The following ZNF568 variants were observed in gnomAD, a reference collection of about 807,000 sequenced individuals.
ZNF568 encodes zinc finger protein 568.
ZNF568 carries 11 observed loss-of-function variants against 18.1 expected under a neutral mutation model. The ratio of observed to expected loss-of-function variants is 0.61; its 90% CI spans 0.38 to 1.00. The LOEUF is 1.00. Ranked by LOEUF, ZNF568 falls within the 50% of genes least tolerant of loss-of-function variation. The pLI is 0.01. For missense variants in ZNF568, 639 were observed against 768.2 expected, an observed-to-expected ratio of 0.83 and a Z score of 1.99; for synonymous variants, 213 against 246.6, an observed-to-expected ratio of 0.86 and a Z score of 1.28.
chr19:36,976,037 C>T (rs1187836431), intron 7 of ZNF568, among the ~76,000 whole-genome samples: 1 of 152,070 alleles, frequency 6.6e-6, no homozygotes, highest in Non-Finnish European at 1.5e-5. Context: ...CACTTTATCT[C>T]CGGATAGTTT....
At chr19:36,965,794 T>A (rs1245866150) in intron 6 of ZNF568, among the ~76,000 whole-genome samples, 1 of 150,232 alleles carries the variant, frequency 6.7e-6, no homozygotes, top group Non-Finnish European at 1.5e-5. Context: ...CTCTGCCTCC[T>A]GGTTCAAGCG....
intron 4 of ZNF568, 37 bp downstream of exon 4, chr19:36,925,295 T>A: frequency 6.3e-7 from 1 of 1,594,508 alleles, no homozygotes; most frequent in Non-Finnish European, 8.6e-7. Flanking sequence ...CTGCATTATT[T>A]TGCAGTGCAG....
At position 36,991,175 on chromosome 19, in the gene ZNF568, G is replaced by C. The variant is rs1253455374; in HGVS notation, c.10-1G>C. The C allele has an allele frequency of 6.5e-7, 1 of 1,531,522 alleles. No homozygotes were observed. Among genetic ancestry groups the C allele is most frequent in the Non-Finnish European group, 8.7e-7 (1 of 1,145,242 alleles). 94.9% of individuals were successfully genotyped at this position (1,531,522 alleles called of 1,614,324 possible). Reference sequence around the variant, plus strand: ...AATGGTGTATTTATTTTTGGTTTCAGGGCTTGAAGTTCAAAGATGTGGTCA... The same window carrying C: ...AATGGTGTATTTATTTTTGGTTTCACGGCTTGAAGTTCAAAGATGTGGTCA... On this transcript the variant is annotated splice_acceptor_variant, in intron 2 of 4. Transcript: ENST00000433993. LOFTEE classifies it high-confidence loss of function.
intron 6 of ZNF568, among the ~76,000 whole-genome samples, chr19:36,971,405 TA>T (rs2074234891): frequency 6.6e-6 from 1 of 152,110 alleles, no homozygotes; most frequent in South Asian, 2.1e-4. Flanking sequence ...AAACTAGAAA[TA>T]CTTAAGAATT....
At chr19:36,918,982 AATG>A (rs1363272997) in intron 2 of ZNF568, among the ~76,000 whole-genome samples, 2 of 152,196 alleles carry the variant, frequency 1.3e-5, no homozygotes, top group African/African-American at 2.4e-5. Flanking sequence ...TTTAAGGCCG[AATG>A]ATAAGTATGT....
At chr19:36,953,074 G>T (rs1312415671), downstream of ZNF568, among the ~76,000 whole-genome samples, 2 of 152,166 alleles carry the variant, frequency 1.3e-5, no homozygotes, top group Admixed American at 6.5e-5. Context: ...AATGAAATGT[G>T]TTTTTATTTA....
At position 36,916,768 on chromosome 19, in the gene ZNF568, T is replaced by G. The variant is rs1321126670; in HGVS notation, c.-256+177T>G. ...TGATTATGATTAAGGCTGTAGCGAG[T>G]GTGAACGTGGCGAAGTGTGCGTGAT... On this transcript the variant is annotated intron_variant, in intron 1 of 6. Transcript: ENST00000333987. This position sits in a 1 kb window ranked among gnomAD's most constrained non-coding sequence, Gnocchi z 5.3. 6.6e-6 allele frequency among the ~76,000 whole-genome samples: 1 copy of G among 152,076 alleles called. No homozygotes were observed. Among genetic ancestry groups the G allele is most frequent in the African/African-American group, 2.4e-5 (1 of 41,410 alleles).
chr19:36,923,967 ATTC>A (rs2073502393), intron 3 of ZNF568, among the ~76,000 whole-genome samples: 1 of 151,994 alleles, frequency 6.6e-6, no homozygotes, highest in South Asian at 2.1e-4. Flanking sequence ...AATCTTCTAT[ATTC>A]TTTGTCCTTA....
intron 4 of ZNF568, among the ~76,000 whole-genome samples, chr19:36,994,374 T>C (rs548441979): frequency 6.6e-6 from 1 of 152,358 alleles, no homozygotes; most frequent in Non-Finnish European, 1.5e-5. Context: ...GAAAAATGTG[T>C]ATTCTCCTGT....
At chr19:36,970,763 G>A (rs2074229770) in intron 6 of ZNF568, among the ~76,000 whole-genome samples, 1 of 151,970 alleles carries the variant, frequency 6.6e-6, no homozygotes. Flanking sequence ...ATAACCATCT[G>A]GGTATGGTAC....
chr19:36,929,634 G>A (rs2073646945), intron 4 of ZNF568, among the ~76,000 whole-genome samples: 1 of 149,222 alleles, frequency 6.7e-6, no homozygotes, highest in Non-Finnish European at 1.5e-5. Context: ...GCAGTGAGCC[G>A]AGATCGCACC....
intron 6 of ZNF568, among the ~76,000 whole-genome samples, chr19:36,963,571 C>T (rs954716136): frequency 6.6e-6 from 1 of 152,138 alleles, no homozygotes; most frequent in Non-Finnish European, 1.5e-5. Flanking sequence ...GAAATACTCC[C>T]AATACAGTCT....
chr19:36,989,082 T>G (rs1300669022), intron 2 of ZNF568, among the ~76,000 whole-genome samples: 1 of 152,204 alleles, frequency 6.6e-6, no homozygotes, highest in African/African-American at 2.4e-5. Context: ...TTGAACAGAT[T>G]GAACAGATTT....
downstream of ZNF568, among the ~76,000 whole-genome samples, chr19:36,981,835 C>G (rs2074333883): frequency 6.6e-6 from 1 of 151,774 alleles, no homozygotes; most frequent in Admixed American, 6.6e-5. Flanking sequence ...GATTATGCCA[C>G]TACACTCCAG....
rs1160469545 is a variant in ZNF568, at chr19:36,950,288, C to T, written c.1135C>T (p.Leu379=). 6.2e-7 allele frequency: 1 copy of T among 1,613,746 alleles called. No individual in the cohort carries two copies. ...RAFSRMSSVT[L]HMRSHTGEKP... The stretch of plus-strand genomic sequence containing the variant: ...TTTTTCTCGAATGTCATCTGTTACG[C>T]TACATATGAGAAGTCACACAGGGGA... The change falls in exon 7 of 7, where the codon CTA becomes TTA. Residue 379 remains leucine (L), a synonymous_variant. Coordinates refer to ENST00000333987, the MANE Select transcript of ZNF568 (RefSeq NM_198539.4).
At chr19:36,923,465 G>T (rs1409489746) in intron 3 of ZNF568, among the ~76,000 whole-genome samples, 1 of 151,862 alleles carries the variant, frequency 6.6e-6, no homozygotes, top group Non-Finnish European at 1.5e-5. Flanking sequence ...TGCTTGAGAA[G>T]TACAAGCCAG....
At chr19:36,988,476 C>A (rs1409676783) in intron 2 of ZNF568, among the ~76,000 whole-genome samples, 1 of 152,150 alleles carries the variant, frequency 6.6e-6, no homozygotes. Context: ...AAAGGAGAAG[C>A]CAGCACTTCA....
intron 6 of ZNF568, among the ~76,000 whole-genome samples, chr19:36,965,819 G>A (rs946363243): frequency 2.0e-5 from 3 of 150,520 alleles, no homozygotes; most frequent in Non-Finnish European, 4.4e-5. Context: ...TCCTGCCTCA[G>A]CCTCCCAATT....
At chr19:36,981,323 A>G (rs928433687), downstream of ZNF568, among the ~76,000 whole-genome samples, 3 of 152,170 alleles carry the variant, frequency 2.0e-5, no homozygotes, top group African/African-American at 4.8e-5. Context: ...GGCTTCATAT[A>G]CATTTTAGAA....
Sources: allele counts gnomAD v4.1 joint callset (sites outside exome capture counted in the v4.1 genomes callset), GRCh38; gene constraint gnomAD v4.1.1; non-coding constraint Gnocchi (gnomAD v3.1); transcripts MANE v1.5; gene names NCBI Gene and HGNC (gene_info 2026-07-23, HGNC 2026-07-21).